The following SPNS2 variants were observed in gnomAD, a reference collection of about 807,000 sequenced individuals.
SPNS2 encodes the protein SPNS lysolipid transporter 2, sphingosine-1-phosphate.
Under a neutral mutation model 57.6 loss-of-function variants are expected in SPNS2, and 37 were observed. The observed-to-expected ratio is 0.64, with a 90% CI of 0.49 to 0.85. The LOEUF (loss-of-function observed/expected upper bound fraction) is 0.85. Ranked by LOEUF, SPNS2 falls within the 40% of genes least tolerant of loss-of-function variation. The pLI is 0.00. For missense variants in SPNS2, 831 were observed against 779.1 expected (o/e 1.07, Z -0.79); for synonymous variants, 440 against 346.9 (o/e 1.27, Z -2.98).
chr17:4,528,557 C>G (rs571963048), intron 3 of SPNS2, among the ~76,000 whole-genome samples: 1 of 151,204 alleles, frequency 6.6e-6, no homozygotes, highest in Non-Finnish European at 1.5e-5. Context: ...CTGCCACCCC[C>G]TCCTCCACCA....
chr17:4,529,622 G>C (rs1905373355), intron 3 of SPNS2, among the ~76,000 whole-genome samples: 1 of 152,022 alleles, frequency 6.6e-6, no homozygotes, highest in African/African-American at 2.4e-5. Flanking sequence ...CAGTGAGTGA[G>C]ATCGCGCCAC....
Position 4,536,946 on chromosome 17 carries a change from G to A in SPNS2, c.*4G>A. 1 of 1,613,514 alleles carries A rather than the reference G, an allele frequency of 6.2e-7. No homozygotes were observed. Among genetic ancestry groups the A allele is most frequent in the South Asian group, 1.1e-5 (1 of 91,058 alleles). On this transcript the variant is annotated splice_region_variant and 3_prime_UTR_variant, in exon 12 of 13. Transcript: ENST00000329078. Reference sequence around the variant, plus strand: ...GCCCGCATCTGTGAAAGTCTGAGGTGGTGAGTGCAGGCCGGGAGGCACGTG... The same window carrying A: ...GCCCGCATCTGTGAAAGTCTGAGGTAGTGAGTGCAGGCCGGGAGGCACGTG...
intron 3 of SPNS2, 89 bp from the exon 4 acceptor site, chr17:4,530,543 C>T: frequency 2.0e-6 from 3 of 1,496,738 alleles, no homozygotes; most frequent in Non-Finnish European, 2.7e-6. Flanking sequence ...CTCCTGGGCC[C>T]TGCAGGGGGA....
rs1041170633 is a variant in SPNS2 at position 4,535,963 on chromosome 17, G to C, written c.1345-113G>C. 3.2e-5 allele frequency: 26 copies of C among 818,670 alleles called. No homozygotes were observed. The African/African-American group carries it at 3.6e-4, about 11-fold the overall frequency. The allele number at this position is 818,670 out of a possible 1,614,324, so 50.7% of individuals were successfully genotyped here. ...CAGGGGAGAGAGGTGTCAAGACGTA[G>C]GGCAGGAGTGAGTCTGAGGGTGTGG... On this transcript the variant is annotated intron_variant, in intron 9 of 12. Coordinates refer to ENST00000329078, the MANE Select transcript of SPNS2 (RefSeq NM_001124758.3).
intron 2 of SPNS2, among the ~76,000 whole-genome samples, chr17:4,515,226 G>A (rs1177507287): frequency 1.3e-5 from 2 of 152,186 alleles, no homozygotes; most frequent in Non-Finnish European, 2.9e-5. Flanking sequence ...CCTGGCTGGA[G>A]GTGGACAAAG....
chr17:4,531,001 C>T (rs923029101), intron 4 of SPNS2, 52 bp from the exon 5 acceptor site: 1 of 1,599,374 alleles, frequency 6.3e-7, no homozygotes. Flanking sequence ...CGGGCACTCC[C>T]TGTCCCCAGC....
rs992804556 is a variant in SPNS2 at position 4,499,006 on chromosome 17, C to A, written c.-42C>A. 1.0e-3 allele frequency: 1,026 copies of A among 980,186 alleles called. 7 individuals are homozygous for A. The African/African-American group carries it at 0.016, about 15-fold the overall frequency. 60.7% of individuals were successfully genotyped at this position (980,186 alleles called of 1,614,324 possible). On this transcript the variant is annotated 5_prime_UTR_variant, in exon 1 of 13. Transcript: ENST00000329078. This position sits in a 1 kb window ranked among gnomAD's most constrained non-coding sequence, Gnocchi z 5.2. The stretch of plus-strand genomic sequence containing the variant: ...CGCGCTGAGCGGGCCCAGCCTGGGC[C>A]CCGCGCCCCCCGCGCCCCCCGCCGC...
At chr17:4,506,194 G>C (rs1251932022) in intron 1 of SPNS2, among the ~76,000 whole-genome samples, 2 of 152,170 alleles carry the variant, frequency 1.3e-5, no homozygotes, top group African/African-American at 4.8e-5. Flanking sequence ...CTGCACGTCA[G>C]CTTCCATCCG....
chr17:4,535,964 G>GGCAGGAGTGAGTCTGAGGGTGTGGGGGCT (rs1905761743), intron 9 of SPNS2, 112 bp from the exon 10 acceptor site: 1 of 829,206 alleles, frequency 1.2e-6, no homozygotes, highest in East Asian at 2.6e-5. Context: ...CAAGACGTAG[G>GGCAGGAGTGAGTCTGAGGGTGTGGGGGCT]GCAGGAGTGA....
Position 4,536,152 on chromosome 17 carries a change from G to A in SPNS2, c.1421G>A (p.Gly474Glu). 6.2e-7 allele frequency: 1 copy of A among 1,612,484 alleles called. No individual in the cohort carries two copies. Among genetic ancestry groups the A allele is most frequent in the Non-Finnish European group, 8.5e-7 (1 of 1,179,854 alleles). Residue 474 changes from glycine (G) to glutamate (E), a missense_variant, in exon 10 of 13, where the codon GGG (glycine) becomes GAG (glutamate). Transcript: ENST00000329078. ...ACCTCCCACCTGCTGGGGGACGCCG[G>A]GAGCCCCTACCTCATTGGCTTTGTG... Reference protein sequence around the residue: ...SFTSHLLGDAGSPYLIGFISD... With the variant: ...SFTSHLLGDAESPYLIGFISD...
intron 2 of SPNS2, among the ~76,000 whole-genome samples, chr17:4,524,715 T>C (rs1791223454): frequency 6.6e-6 from 1 of 152,154 alleles, no homozygotes; most frequent in Non-Finnish European, 1.5e-5. Context: ...TAAAAAGATA[T>C]GTGAGATATG....
At chr17:4,519,782 T>C (rs1425471170) in intron 2 of SPNS2, among the ~76,000 whole-genome samples, 2 of 152,230 alleles carry the variant, frequency 1.3e-5, no homozygotes. Flanking sequence ...GGCTGGTCTT[T>C]ATTCTCAGCA....
At chr17:4,501,836 A>G (rs1481744255) in intron 1 of SPNS2, among the ~76,000 whole-genome samples, 2 of 151,830 alleles carry the variant, frequency 1.3e-5, no homozygotes, top group Non-Finnish European at 2.9e-5. Flanking sequence ...GCTTGCACCT[A>G]CCTGGCCCCA....
At chr17:4,532,206 A>G (rs1028167438) in intron 5 of SPNS2, among the ~76,000 whole-genome samples, 2 of 151,718 alleles carry the variant, frequency 1.3e-5, no homozygotes, top group African/African-American at 4.8e-5. Flanking sequence ...ATCTCTGTCC[A>G]TCTCTCCATC....
chr17:4,533,115 T>G lies in SPNS2; in HGVS notation c.1074T>G (p.Cys358Trp). ...CAGAGACGTGCAACAGCCCGCCCTGTGGGGCCAAGGACAGGTGGGGCCCCG... is the reference window on the plus strand; with the variant it reads ...CAGAGACGTGCAACAGCCCGCCCTGGGGGGCCAAGGACAGGTGGGGCCCCG... ...KTAETCNSPPCGAKDSLIFGA... is the reference protein window; with the variant it reads ...KTAETCNSPPWGAKDSLIFGA... Residue 358 changes from cysteine (C) to tryptophan (W), a missense_variant, in exon 7 of 13, where the codon TGT becomes TGG. Physicochemically the swap from Cys to Trp is radical, Grantham distance 215 (BLOSUM62 -2). This residue lies in a region of SPNS2 where 526 missense variants were observed against 400.9 expected (regional missense o/e 1.31). Coordinates refer to ENST00000329078, the MANE Select transcript of SPNS2 (RefSeq NM_001124758.3). 1 of 1,611,118 alleles carries G rather than the reference T, an allele frequency of 6.2e-7. No individual in the cohort carries two copies. Among genetic ancestry groups the G allele is most frequent in the Non-Finnish European group, 8.5e-7 (1 of 1,178,798 alleles).
rs1905236579 is a variant in SPNS2 at position 4,525,254 on chromosome 17, G to C, written c.573+61G>C. 7 of 1,587,536 alleles carry C rather than the reference G, an allele frequency of 4.4e-6. No individual in the cohort carries two copies. The South Asian group carries it at 7.9e-5, about 18-fold the overall frequency. ...TCCTGGTCCCTCCAGCGAGTGGCTAGTCTTATTGGCCTGTTGAAGAATCCA... is the reference window on the plus strand; with the variant it reads ...TCCTGGTCCCTCCAGCGAGTGGCTACTCTTATTGGCCTGTTGAAGAATCCA... On this transcript the variant is annotated intron_variant, in intron 3 of 12. Coordinates refer to ENST00000329078, the MANE Select transcript of SPNS2 (RefSeq NM_001124758.3).
At chr17:4,522,365 G>A (rs906015168) in intron 2 of SPNS2, among the ~76,000 whole-genome samples, 2 of 152,188 alleles carry the variant, frequency 1.3e-5, no homozygotes, top group African/African-American at 4.8e-5. Flanking sequence ...AGCCCAGGGA[G>A]TGTGCCTCAT....
At chr17:4,517,154 A>G (rs1371080574) in intron 2 of SPNS2, among the ~76,000 whole-genome samples, 1 of 152,104 alleles carries the variant, frequency 6.6e-6, no homozygotes, top group East Asian at 1.9e-4. Context: ...TTCCCTTTCG[A>G]GAATGGGCAT....
chr17:4,503,224 G>A lies in SPNS2; in HGVS notation c.370+3807G>A, dbSNP rs561396606. On this transcript the variant is annotated intron_variant, in intron 1 of 12. Coordinates refer to ENST00000329078, the MANE Select transcript of SPNS2 (RefSeq NM_001124758.3). The stretch of plus-strand genomic sequence containing the variant: ...TCTCCAGTCCCAGGAGCCCCAGGTG[G>A]AGGTAGGGGCATGACCCTTGCTTCT... 2.0e-5 allele frequency among the ~76,000 whole-genome samples: 3 copies of A among 152,384 alleles called. No homozygotes were observed. In the East Asian group the frequency reaches 5.8e-4, roughly 29 times the overall value.
Sources: gnomAD v4.1 joint callset for allele counts (sites outside exome capture counted in the v4.1 genomes callset) on GRCh38, gnomAD v4.1.1 for gene constraint, gnomAD v4.1.1 regional missense constraint, Gnocchi (gnomAD v3.1) non-coding constraint, MANE v1.5 for transcripts, NCBI Gene and HGNC (gene_info 2026-07-23, HGNC 2026-07-21) for gene names.